Variants in PLXDC2 observed in about 807,000 individuals in gnomAD.
PLXDC2 encodes the protein plexin domain containing 2, also known as plexin domain-containing protein 2.
Under a neutral mutation model 68.9 loss-of-function variants are expected in PLXDC2, and 40 were observed. The observed-to-expected ratio is 0.58, with a 90% CI of 0.45 to 0.76. PLXDC2 has a LOEUF of 0.76. Among genes scored for constraint, PLXDC2 ranks in the 30% least tolerant of loss-of-function variants. The probability of loss-of-function intolerance (pLI) is 0.00; values close to 1 mark genes in which losing one functional copy is unlikely to be tolerated. For synonymous variants in PLXDC2, 243 were observed against 234.2 expected, an observed-to-expected ratio of 1.04 and a Z score of -0.34; for missense variants, 644 against 661.9, an observed-to-expected ratio of 0.97 and a Z score of 0.30.
At chr10:20,244,292 A>T (rs1260708766) in intron 12 of PLXDC2, among the ~76,000 whole-genome samples, 1 of 152,146 alleles carries the variant, frequency 6.6e-6, no homozygotes, top group African/African-American at 2.4e-5. Flanking sequence ...AAAAGAGAAG[A>T]CTTTAGAGAT....
rs760509918 is a variant in PLXDC2 at position 20,046,903 on chromosome 10, T to C, written c.359T>C (p.Ile120Thr). 27 of 1,612,382 alleles carry C rather than the reference T, an allele frequency of 1.7e-5. No homozygotes were observed. The highest frequency in any genetic ancestry group is 2.0e-5 in the Non-Finnish European group (23 of 1,179,064). Residue 120 changes from isoleucine (I) to threonine (T), a missense_variant, in exon 3 of 14, where the codon ATA (isoleucine) becomes ACA (threonine). This residue lies in a region of PLXDC2 where 201 missense variants were observed against 166.9 expected (regional missense o/e 1.20). Transcript: ENST00000377252. ...GACCACAATTACTATATATCTCGAA[T>C]ATATGGTCCATCTGATTCTGCCAGC... Reference protein sequence around the residue: ...DTDHNYYISRIYGPSDSASRD... With the variant: ...DTDHNYYISRTYGPSDSASRD...
Position 20,015,897 on chromosome 10 carries a change from C to G in PLXDC2, c.324+13911C>G, listed in dbSNP as rs928373390. Among the ~76,000 whole-genome samples, 6 of 152,186 alleles carry G rather than the reference C, an allele frequency of 3.9e-5. No individual in the cohort carries two copies. In the South Asian group the frequency reaches 6.2e-4, roughly 16 times the overall value. On this transcript the variant is annotated intron_variant, in intron 2 of 13. Transcript: ENST00000377252. ...TCTCCTTTCTTATTGGCAAATTTGC[C>G]CTCTCAACCAAGTATTTCTTTTTAC...
chr10:20,268,166 T>C (rs16920199), intron 13 of PLXDC2, among the ~76,000 whole-genome samples: 39,173 of 152,090 alleles, frequency 0.26, 5,311 homozygotes, highest in African/African-American at 0.34. Context: ...GCTACACTAA[T>C]ACTTTATTGT....
At chr10:20,122,001 T>C (rs1460493832) in intron 4 of PLXDC2, among the ~76,000 whole-genome samples, 1 of 151,920 alleles carries the variant, frequency 6.6e-6, no homozygotes. Flanking sequence ...TATCTTATAC[T>C]TGTGGGTTAA....
chr10:20,026,410 C>T (rs1403381151), intron 2 of PLXDC2, among the ~76,000 whole-genome samples: 1 of 152,006 alleles, frequency 6.6e-6, no homozygotes, highest in East Asian at 1.9e-4. Flanking sequence ...TATCAAATAC[C>T]AATAAGAAGT....
At chr10:19,931,929 A>T (rs1381681436) in intron 1 of PLXDC2, among the ~76,000 whole-genome samples, 6 of 149,734 alleles carry the variant, frequency 4.0e-5, no homozygotes, top group Non-Finnish European at 8.9e-5. Context: ...ATTTCAAAAC[A>T]GGAAATATCT....
chr10:20,184,142 A>C (rs2131832290), intron 9 of PLXDC2, among the ~76,000 whole-genome samples: 1 of 151,876 alleles, frequency 6.6e-6, no homozygotes, highest in Admixed American at 6.6e-5. Flanking sequence ...ATATTTCCTA[A>C]CAACTTTTCT....
At chr10:20,036,761 A>G (rs948956816) in intron 2 of PLXDC2, among the ~76,000 whole-genome samples, 4 of 152,200 alleles carry the variant, frequency 2.6e-5, no homozygotes, top group African/African-American at 9.7e-5. Flanking sequence ...ACACATACGC[A>G]AGACCCATAA....
intron 2 of PLXDC2, among the ~76,000 whole-genome samples, chr10:20,026,934 C>T (rs12256041): frequency 0.019 from 1,022 of 54,742 alleles, 28 homozygotes; most frequent in African/African-American, 0.049. Context: ...ATATAGAATA[C>T]ACTTTTATAA....
intron 1 of PLXDC2, among the ~76,000 whole-genome samples, chr10:19,864,670 C>G (rs1837380848): frequency 6.6e-6 from 1 of 152,104 alleles, no homozygotes. Context: ...TACTGTTATT[C>G]ATGAAGCAGC....
At chr10:20,110,309 T>G (rs751330351) in intron 4 of PLXDC2, among the ~76,000 whole-genome samples, 12 of 152,178 alleles carry the variant, frequency 7.9e-5, no homozygotes, top group Middle Eastern at 3.4e-3. Flanking sequence ...ACAGGATAGA[T>G]TAATTAGTGC....
At chr10:20,128,957 A>T (rs149699420) in intron 4 of PLXDC2, among the ~76,000 whole-genome samples, 230 of 152,300 alleles carry the variant, frequency 1.5e-3, no homozygotes, top group African/African-American at 5.4e-3. Flanking sequence ...AAGTTCTGCT[A>T]TCCCTTGCAC....
intron 1 of PLXDC2, among the ~76,000 whole-genome samples, chr10:19,920,208 A>G (rs975054619): frequency 4.6e-5 from 7 of 152,168 alleles, no homozygotes; most frequent in African/African-American, 1.7e-4. Context: ...GTCCCTTTAA[A>G]TGATACATAA....
chr10:20,260,201 A>AT (rs1346071161), intron 13 of PLXDC2, among the ~76,000 whole-genome samples: 1 of 152,156 alleles, frequency 6.6e-6, no homozygotes, highest in African/African-American at 2.4e-5. Context: ...TGTGTGATAC[A>AT]TGCACCTAAA....
chr10:20,130,439 CA>C (rs1833852101), intron 4 of PLXDC2, among the ~76,000 whole-genome samples: 1 of 152,016 alleles, frequency 6.6e-6, no homozygotes, highest in Admixed American at 6.6e-5. Flanking sequence ...AGCATTATGT[CA>C]TCTGCAAAGA....
At chr10:19,973,763 T>TA (rs1834401153) in intron 1 of PLXDC2, among the ~76,000 whole-genome samples, 1 of 152,174 alleles carries the variant, frequency 6.6e-6, no homozygotes, top group South Asian at 2.1e-4. Context: ...CAACCATTAA[T>TA]AAGCACTCTT....
intron 3 of PLXDC2, among the ~76,000 whole-genome samples, chr10:20,056,367 G>C (rs183185498): frequency 1.0e-3 from 153 of 152,232 alleles, no homozygotes; most frequent in Admixed American, 3.8e-3. Flanking sequence ...TGGGAAATGG[G>C]CTGGTCTACC....
At chr10:20,221,193 T>C (rs765288715) in intron 12 of PLXDC2, among the ~76,000 whole-genome samples, 1 of 152,156 alleles carries the variant, frequency 6.6e-6, no homozygotes, top group Non-Finnish European at 1.5e-5. Flanking sequence ...TTATGGAATA[T>C]ACTTTGATAA....
chr10:20,135,728 G>C (rs1411733549), intron 4 of PLXDC2, among the ~76,000 whole-genome samples: 1 of 152,154 alleles, frequency 6.6e-6, no homozygotes, highest in Non-Finnish European at 1.5e-5. Context: ...GCTGATAACA[G>C]AGTTGTCACT....
Sources: gnomAD v4.1 joint callset for allele counts (sites outside exome capture counted in the v4.1 genomes callset) on GRCh38, gnomAD v4.1.1 for gene constraint, gnomAD v4.1.1 regional missense constraint, MANE v1.5 for transcripts, NCBI Gene and HGNC (gene_info 2026-07-23, HGNC 2026-07-21) for gene names.